TENM2: variants seen among roughly 807,000 people sequenced by gnomAD.
TENM2 encodes the protein teneurin-2.
In TENM2, 52 loss-of-function variants were observed where a neutral mutation model predicts 245.2. That is an observed-to-expected ratio of 0.21 (90% CI 0.17 to 0.27). The LOEUF is 0.27. TENM2 is among the 10% of genes least tolerant of loss of function. The pLI, the probability that TENM2 is intolerant of heterozygous loss-of-function variation, is 1.00. For missense variants in TENM2, 3,046 were observed against 3,666.8 expected (o/e 0.83, Z 4.37); for synonymous variants, 1,363 against 1,438.9 (o/e 0.95, Z 1.19).
At chr5:167,555,298 C>G (rs1773198795) in intron 2 of TENM2, among the ~76,000 whole-genome samples, 1 of 152,094 alleles carries the variant, frequency 6.6e-6, no homozygotes, top group African/African-American at 2.4e-5. Flanking sequence ...TTTAAAAAGC[C>G]CTCTGAGAAA....
chr5:167,449,376 C>A lies in TENM2; in HGVS notation c.502+73903C>A, dbSNP rs979559999. Reference sequence around the variant, plus strand: ...GCAGGAGGTGAAGGTGGGTGGGATGCTTCCAGGCTCCCATGTGCGGTGGCT... The same window carrying A: ...GCAGGAGGTGAAGGTGGGTGGGATGATTCCAGGCTCCCATGTGCGGTGGCT... On this transcript the variant is annotated intron_variant, in intron 2 of 28. Transcript: ENST00000518659. 2.6e-5 allele frequency among the ~76,000 whole-genome samples: 4 copies of A among 152,138 alleles called. No homozygotes were observed. The South Asian group carries it at 8.3e-4, about 31-fold the overall frequency.
intron 3 of TENM2, among the ~76,000 whole-genome samples, chr5:167,950,475 G>A (rs1779999773): frequency 1.3e-5 from 2 of 152,194 alleles, no homozygotes; most frequent in Non-Finnish European, 1.5e-5. Context: ...GGGGGGCCAG[G>A]ACAGAGGGAG....
At chr5:167,057,449 A>C in the TENM2 span, among the ~76,000 whole-genome samples, 1 of 152,082 alleles carries the variant, frequency 6.6e-6, no homozygotes, top group Non-Finnish European at 1.5e-5. Context: ...ACCTGTGGTA[A>C]ATAAAACTTT....
chr5:167,038,514 C>A, the TENM2 span, among the ~76,000 whole-genome samples: 1 of 152,110 alleles, frequency 6.6e-6, no homozygotes, highest in African/African-American at 2.4e-5. Flanking sequence ...AAATTAATAT[C>A]TTGGAGTGAA....
chr5:167,666,963 C>T (rs1755619030), intron 2 of TENM2, among the ~76,000 whole-genome samples: 1 of 152,084 alleles, frequency 6.6e-6, no homozygotes, highest in African/African-American at 2.4e-5. Context: ...CACTTCTCAG[C>T]AATATAACTA....
In TENM2 at chr5:167,623,189, G is replaced by C. The variant is rs74547014; in HGVS notation, c.502+247716G>C. Among the ~76,000 whole-genome samples the C allele has an allele frequency of 4.4e-3, 668 of 151,698 alleles. 9 individuals carry two copies. The highest frequency in any genetic ancestry group is 0.016 in the African/African-American group (641 of 41,082). ...CCAACTGCTTTGAATGTAGATCATT[G>C]AATAAGTCCCCCTCCTCTGAAATAA... On this transcript the variant is annotated intron_variant, in intron 2 of 28. Coordinates refer to ENST00000518659, the Ensembl canonical transcript of TENM2.
chr5:167,433,178 A>G (rs1196022971), intron 2 of TENM2, among the ~76,000 whole-genome samples: 5 of 152,050 alleles, frequency 3.3e-5, no homozygotes, highest in African/African-American at 9.7e-5. Context: ...AAGTTTATTA[A>G]CAGCAGGTAA....
chr5:168,206,103 G>A (rs1762327999), intron 19 of TENM2, among the ~76,000 whole-genome samples: 1 of 152,216 alleles, frequency 6.6e-6, no homozygotes, highest in Non-Finnish European at 1.5e-5. Flanking sequence ...ATTTTGGCCT[G>A]ACAACTGAGT....
intron 2 of TENM2, chr5:167,660,506 A>G (rs535672524): frequency 6.6e-6 from 1 of 151,568 alleles, no homozygotes; most frequent in Non-Finnish European, 1.5e-5. Flanking sequence ...ATTACACCAA[A>G]ATTAAATGTG....
the TENM2 span, among the ~76,000 whole-genome samples, chr5:167,220,604 T>C: frequency 5.3e-5 from 8 of 152,138 alleles, no homozygotes; most frequent in Non-Finnish European, 1.2e-4. Context: ...GCATCACGTA[T>C]AGGTGCATGA....
the TENM2 span, among the ~76,000 whole-genome samples, chr5:167,061,649 A>G: frequency 5.3e-5 from 8 of 152,148 alleles, no homozygotes; most frequent in Non-Finnish European, 1.2e-4. Flanking sequence ...GTGAAAGAAA[A>G]GAGTAAAAAA....
intron 2 of TENM2, among the ~76,000 whole-genome samples, chr5:167,543,019 C>T (rs565110444): frequency 1.3e-5 from 2 of 152,154 alleles, no homozygotes; most frequent in African/African-American, 4.8e-5. Context: ...CAATCAGTAT[C>T]ACCTAGGAAA....
intron 2 of TENM2, among the ~76,000 whole-genome samples, chr5:167,561,968 G>T (rs1189710586): frequency 2.6e-5 from 4 of 152,182 alleles, no homozygotes; most frequent in African/African-American, 9.7e-5. Flanking sequence ...GATAGTCTCT[G>T]TGCCTGTTGG....
At chr5:167,605,516 T>C (rs2127737272) in intron 2 of TENM2, among the ~76,000 whole-genome samples, 1 of 152,242 alleles carries the variant, frequency 6.6e-6, no homozygotes, top group South Asian at 2.1e-4. Context: ...TGAGAAGTGT[T>C]CCCCTGGAGT....
the TENM2 span, among the ~76,000 whole-genome samples, chr5:167,170,146 A>G: frequency 6.6e-6 from 1 of 152,220 alleles, no homozygotes; most frequent in Non-Finnish European, 1.5e-5. Flanking sequence ...AGAATAGCCT[A>G]TGCTGTTTTC....
chr5:167,050,457 G>T, the TENM2 span, among the ~76,000 whole-genome samples: 2 of 152,274 alleles, frequency 1.3e-5, no homozygotes, highest in African/African-American at 4.8e-5. Context: ...GGTGCCAAAA[G>T]GTTGGAGACC....
Position 167,943,408 on chromosome 5 carries a change from A to G in TENM2, c.713-9180A>G, listed in dbSNP as rs75360163. On this transcript the variant is annotated intron_variant, in intron 3 of 28. Transcript: ENST00000518659. Reference sequence around the variant, plus strand: ...TGTAAACATCTCAAAGAGAGAGAGAAAAAAAGAATGAAATACACCCCCAGG... The same window carrying G: ...TGTAAACATCTCAAAGAGAGAGAGAGAAAAAGAATGAAATACACCCCCAGG... Among the ~76,000 whole-genome samples, 9 of 152,274 alleles carry G rather than the reference A, an allele frequency of 5.9e-5. No individual in the cohort carries two copies. The East Asian group carries it at 1.2e-3, about 20-fold the overall frequency.
chr5:167,980,588 C>T (rs576878799), intron 4 of TENM2, among the ~76,000 whole-genome samples: 24 of 152,198 alleles, frequency 1.6e-4, no homozygotes, highest in Non-Finnish European at 5.9e-5. Flanking sequence ...CATCACAAGA[C>T]GCCTTATAGG....
intron 2 of TENM2, among the ~76,000 whole-genome samples, chr5:167,750,288 G>C (rs1433050615): frequency 1.3e-5 from 2 of 152,110 alleles, no homozygotes; most frequent in Non-Finnish European, 2.9e-5. Context: ...GTCCATATAG[G>C]CCTGTTACAG....
Sources: allele counts gnomAD v4.1 joint callset (sites outside exome capture counted in the v4.1 genomes callset), GRCh38; gene constraint gnomAD v4.1.1; transcripts MANE v1.5; gene names NCBI Gene and HGNC (gene_info 2026-07-23, HGNC 2026-07-21).